Variants in AKAP13 observed in about 807,000 individuals in gnomAD.
AKAP13 encodes the protein A-kinase anchoring protein 13.
Under a neutral mutation model 264.5 loss-of-function variants are expected in AKAP13, and 80 were observed. The observed-to-expected ratio is 0.30, with a 90% CI of 0.25 to 0.36. The LOEUF (loss-of-function observed/expected upper bound fraction) is 0.36. Among genes scored for constraint, AKAP13 ranks in the 10% least tolerant of loss-of-function variants. The probability of loss-of-function intolerance (pLI) is 1.00; values close to 1 mark genes in which losing one functional copy is unlikely to be tolerated. For synonymous variants in AKAP13, 1,380 were observed against 1,250.2 expected (o/e 1.10, Z -2.19); for missense variants, 3,712 against 3,435.2 (o/e 1.08, Z -2.01).
chr15:85,676,995 A>G lies in AKAP13; in HGVS notation c.5102-5163A>G, dbSNP rs533972552. The G allele has an allele frequency of 2.2e-4, 218 of 985,524 alleles. No individual in the cohort carries two copies. In the African/African-American group the frequency reaches 3.6e-3, roughly 16 times the overall value. The allele number at this position is 985,524 out of a possible 1,614,324, so 61.0% of individuals were successfully genotyped here. ...TCTCAGCTCAGCAGCAGATGCGGCC[A>G]GCAAGGCGGATCTCCATCAGCATCT... On this transcript the variant is annotated intron_variant, in intron 14 of 36. Coordinates refer to ENST00000394518, the MANE Select transcript of AKAP13 (RefSeq NM_007200.5).
chr15:85,384,243 G>A (rs1397968357), intron 1 of AKAP13, among the ~76,000 whole-genome samples: 1 of 152,210 alleles, frequency 6.6e-6, no homozygotes, highest in Non-Finnish European at 1.5e-5. Flanking sequence ...AAAGCTAGGC[G>A]AAGAAAGTTG....
rs142876787 is a variant in AKAP13 at position 85,667,544 on chromosome 15, A to AT, written c.4993-2175dup. On this transcript the variant is annotated intron_variant, in intron 13 of 36. Coordinates refer to ENST00000394518, the MANE Select transcript of AKAP13 (RefSeq NM_007200.5). ...TGAAAAAATCTTTAAAATAAATTGC[A>AT]TTTCAAATTTATAGAATCCTTTGGA... Among the ~76,000 whole-genome samples, 1,370 of 152,324 alleles carry AT rather than the reference A, an allele frequency of 9.0e-3. 18 individuals are homozygous for AT. The highest frequency in any genetic ancestry group is 0.032 in the African/African-American group (1,315 of 41,550).
At chr15:85,717,451 G>T (rs377494452) in intron 21 of AKAP13, 49 bp downstream of exon 21, 1 of 1,282,596 alleles carries the variant, frequency 7.8e-7, no homozygotes, top group Non-Finnish European at 1.1e-6. Context: ...GGGACTGTGT[G>T]TGTGTCATTA....
At chr15:85,716,771 T>C (rs1279013156) in intron 20 of AKAP13, among the ~76,000 whole-genome samples, 5 of 152,238 alleles carry the variant, frequency 3.3e-5, no homozygotes, top group Admixed American at 3.3e-4. Flanking sequence ...AGTTGTAACA[T>C]TACTAAAGTT....
chr15:85,743,231 C>T (rs1041152152), intron 35 of AKAP13, among the ~76,000 whole-genome samples: 1 of 152,108 alleles, frequency 6.6e-6, no homozygotes. Flanking sequence ...TTTTTTACAA[C>T]GCCGGCGTTT....
At chr15:85,590,599 A>T (rs1053436831) in intron 8 of AKAP13, among the ~76,000 whole-genome samples, 1 of 152,254 alleles carries the variant, frequency 6.6e-6, no homozygotes, top group Non-Finnish European at 1.5e-5. Flanking sequence ...AATGCTGCAG[A>T]TTTCTTGATA....
At chr15:85,383,928 CACTT>C (rs1261801911) in intron 1 of AKAP13, among the ~76,000 whole-genome samples, 1 of 152,202 alleles carries the variant, frequency 6.6e-6, no homozygotes, top group East Asian at 1.9e-4. Context: ...GCAAATCACT[CACTT>C]CCTCTTCAAG....
intron 1 of AKAP13, among the ~76,000 whole-genome samples, chr15:85,439,521 G>A (rs531187752): frequency 5.0e-4 from 75 of 150,952 alleles, no homozygotes; most frequent in African/African-American, 1.6e-3. Flanking sequence ...ACATGCACAC[G>A]TATGTTTATT....
chr15:85,457,220 T>C (rs1235705956), intron 1 of AKAP13, among the ~76,000 whole-genome samples: 1 of 152,198 alleles, frequency 6.6e-6, no homozygotes, highest in Admixed American at 6.5e-5. Flanking sequence ...CTAGTGTAGG[T>C]CTGTTTAACA....
rs1163481080 is a variant in AKAP13, at chr15:85,746,026, A to ACAGTT, written c.*1352_*1356dup. On this transcript the variant is annotated 3_prime_UTR_variant, in exon 37 of 37. Transcript: ENST00000394518. Reference sequence around the variant, plus strand: ...GCTTTCCCCAGCTGGTGTGTGCAGGACAGTTCATGGTAATGTTGCCCTCTG... The same window carrying ACAGTT: ...GCTTTCCCCAGCTGGTGTGTGCAGGACAGTTCAGTTCATGGTAATGTTGCCCTCTG... The ACAGTT allele has an allele frequency of 6.6e-6, 1 of 152,264 alleles. No homozygotes were observed. The highest frequency in any genetic ancestry group is 2.4e-5 in the African/African-American group (1 of 41,436). The allele number at this position is 152,264 out of a possible 1,614,324, so 9.4% of individuals were successfully genotyped here. A position where few individuals can be genotyped will look rare whatever the true frequency, so the allele number is the denominator to read the frequency against.
At chr15:85,572,305 C>T (rs895798113) in intron 5 of AKAP13, among the ~76,000 whole-genome samples, 9 of 152,148 alleles carry the variant, frequency 5.9e-5, no homozygotes, top group Non-Finnish European at 1.2e-4. Context: ...AGATATGCCA[C>T]TAATGTCTGC....
chr15:85,682,137 T>C, intron 14 of AKAP13, 21 bp from the exon 15 acceptor site: 1 of 1,613,062 alleles, frequency 6.2e-7, no homozygotes, highest in Non-Finnish European at 8.5e-7. Context: ...GTTCTAACTT[T>C]TTTTCTGCCT....
intron 8 of AKAP13, among the ~76,000 whole-genome samples, chr15:85,587,700 A>G (rs2079417374): frequency 6.6e-6 from 1 of 152,140 alleles, no homozygotes; most frequent in Non-Finnish European, 1.5e-5. Flanking sequence ...AGGCTGGAGT[A>G]CAATGGCAGG....
At chr15:85,639,517 G>T in intron 9 of AKAP13, 68 bp downstream of exon 9, 1 of 1,142,016 alleles carries the variant, frequency 8.8e-7, no homozygotes, top group East Asian at 2.4e-5. Flanking sequence ...TTTATTTGGA[G>T]ATCTGCCCTT....
In AKAP13 at chr15:85,554,713, A is replaced by G. The variant is rs573744265; in HGVS notation, c.662+10758A>G. The stretch of plus-strand genomic sequence containing the variant: ...CGTTTCGGGTGTCCAGACAGCTAAC[A>G]TTTTGAATTCACATTCATTTAATCC... On this transcript the variant is annotated intron_variant, in intron 5 of 36. Coordinates refer to ENST00000394518, the MANE Select transcript of AKAP13 (RefSeq NM_007200.5). Among the ~76,000 whole-genome samples the G allele has an allele frequency of 5.3e-5, 8 of 152,256 alleles. No homozygotes were observed. The South Asian group carries it at 8.3e-4, about 16-fold the overall frequency.
intron 8 of AKAP13, among the ~76,000 whole-genome samples, chr15:85,616,839 C>G (rs766935297): frequency 6.6e-6 from 1 of 152,160 alleles, no homozygotes. Flanking sequence ...CTGAGCAGAT[C>G]CAGAGGGGAA....
In AKAP13 at chr15:85,579,628, C is replaced by T. The variant is rs377334598; in HGVS notation, c.1560C>T (p.Asp520=). The part of the protein sequence containing the change: ...NSNIGTAGAS[D]VHVTSKPVDK... ...ATATTGGCACAGCTGGAGCCTCTGA[C>T]GTGCACGTCACAAGTAAGCCTGTGG... Residue 520 remains aspartate, a synonymous_variant, in exon 7 of 37, where the codon GAC becomes GAT. Transcript: ENST00000394518. 41 of 1,614,064 alleles carry T rather than the reference C, an allele frequency of 2.5e-5. No homozygotes were observed. Among genetic ancestry groups the T allele is most frequent in the African/African-American group, 5.3e-5 (4 of 74,914 alleles).
chr15:85,699,926 C>T (rs1377008957), intron 17 of AKAP13, among the ~76,000 whole-genome samples: 1 of 152,106 alleles, frequency 6.6e-6, no homozygotes, highest in East Asian at 1.9e-4. Context: ...TTTGAAGACC[C>T]AAAGAATCTT....
At chr15:85,421,874 A>C (rs2150901611) in intron 1 of AKAP13, among the ~76,000 whole-genome samples, 1 of 152,368 alleles carries the variant, frequency 6.6e-6, no homozygotes, top group East Asian at 1.9e-4. Flanking sequence ...TTGCATAAGG[A>C]ACATTTGCAA....
Sources: gnomAD v4.1 joint callset for allele counts (sites outside exome capture counted in the v4.1 genomes callset) on GRCh38, gnomAD v4.1.1 for gene constraint, MANE v1.5 for transcripts, NCBI Gene and HGNC (gene_info 2026-07-23, HGNC 2026-07-21) for gene names.